The following NCR3 variants were observed in gnomAD, a reference collection of about 807,000 sequenced individuals.
NCR3 encodes NK-p30.
A neutral mutation model predicts 16.1 loss-of-function variants in NCR3; 13 were observed. That is an observed-to-expected ratio of 0.81 (90% CI 0.53 to 1.28). NCR3 has a LOEUF of 1.28. NCR3 is among the 50% of genes most tolerant of loss of function. NCR3 has a pLI of 0.00. For synonymous variants in NCR3, 98 were observed against 106.6 expected (o/e 0.92, Z 0.50); for missense variants, 202 against 256.8 (o/e 0.79, Z 1.46).
At chr6:31,592,550 C>A in intron 1 of NCR3, 129 bp downstream of exon 1, 3 of 941,290 alleles carry the variant, frequency 3.2e-6, no homozygotes, top group African/African-American at 3.2e-5. Context: ...TTGGAGCAGT[C>A]CCACTCCTCC....
Position 31,588,996 on chromosome 6 carries a change from G to C in NCR3, c.*71C>G. 7 of 1,458,450 alleles carry C rather than the reference G, an allele frequency of 4.8e-6. No individual in the cohort carries two copies. Among genetic ancestry groups the C allele is most frequent in the Non-Finnish European group, 6.4e-6 (7 of 1,095,258 alleles). 90.3% of individuals were successfully genotyped at this position (1,458,450 alleles called of 1,614,324 possible). On this transcript the variant is annotated 3_prime_UTR_variant, in exon 4 of 4. Coordinates refer to ENST00000340027, the MANE Select transcript of NCR3 (RefSeq NM_147130.3). ...AACAGCCAGAAGAGGGTATGTGTGGGCCTGGCAGGAAAGGGCAGTTGCCAA... is the reference window on the plus strand; with the variant it reads ...AACAGCCAGAAGAGGGTATGTGTGGCCCTGGCAGGAAAGGGCAGTTGCCAA...
Position 31,589,919 on chromosome 6 carries a change from C to T in NCR3, c.251G>A (p.Arg84His), listed in dbSNP as rs149339643. 1.8e-3 allele frequency: 2,956 copies of T among 1,613,130 alleles called. 6 individuals carry two copies. Among genetic ancestry groups the T allele is most frequent in the Non-Finnish European group, 2.2e-3 (2,604 of 1,180,030 alleles). ...CTCAGCCTGGTGGTCATGGAGGAAA[C>T]GGGAAGAAGCAAGTGGGGCCAGGCG... ...RGRLAPLASS[R>H]FLHDHQAELH... is the part of the protein sequence containing the mutation. Residue 84 changes from arginine to histidine, a missense_variant, in exon 2 of 4, where the codon CGT (arginine) becomes CAT (histidine). Transcript: ENST00000340027. The surrounding 1 kb of genome is among the most constrained non-coding windows in gnomAD (Gnocchi z 4.8).
chr6:31,592,984 G>T lies in NCR3; in HGVS notation c.-263C>A. The T allele has an allele frequency of 1.7e-6, 1 of 576,944 alleles. No individual in the cohort carries two copies. The allele number at this position is 576,944 out of a possible 1,614,324, so 35.7% of individuals were successfully genotyped here. A position where few individuals can be genotyped will look rare whatever the true frequency, so the allele number is the denominator to read the frequency against. On this transcript the variant is annotated 5_prime_UTR_variant, in exon 1 of 4. Transcript: ENST00000340027. Reference sequence around the variant, plus strand: ...CTAGGAGGCCAAGGGGCCAGCTTGTGGCAGGCTAGCTAAGCGTGTGAGGGG... The same window carrying T: ...CTAGGAGGCCAAGGGGCCAGCTTGTTGCAGGCTAGCTAAGCGTGTGAGGGG...
chr6:31,590,034 C>G lies in NCR3; in HGVS notation c.136G>C (p.Gly46Arg). The change falls in exon 2 of 4, where the codon GGG becomes CGG. Residue 46 changes from glycine to arginine, a missense_variant. By Grantham distance (125) the Gly-to-Arg change is moderately radical (BLOSUM62 -2). Coordinates refer to ENST00000340027, the MANE Select transcript of NCR3 (RefSeq NM_147130.3). The part of the protein sequence containing the change: ...FLPCSFNASQ[G>R]RLAIGSVTWF... ...GTGACGGAGCCAATGGCCAGTCTCC[C>G]TTGGCTGGCATTGAAGGAGCAGGGC... 1 of 1,613,056 alleles carries G rather than the reference C, an allele frequency of 6.2e-7. No individual in the cohort carries two copies.
In NCR3 at chr6:31,589,030, C is replaced by T; in HGVS notation, c.*37G>A. On this transcript the variant is annotated 3_prime_UTR_variant, in exon 4 of 4. Transcript: ENST00000340027. The surrounding 1 kb of genome is among the most constrained non-coding windows in gnomAD (Gnocchi z 4.8). ...GAAAGGGCAGTTGCCAAGGAGGAGTCATATCTGATCCTTCCCATTTCTCAG... is the reference window on the plus strand; with the variant it reads ...GAAAGGGCAGTTGCCAAGGAGGAGTTATATCTGATCCTTCCCATTTCTCAG... 6.5e-7 allele frequency: 1 copy of T among 1,531,272 alleles called. No individual in the cohort carries two copies. Among genetic ancestry groups the T allele is most frequent in the South Asian group, 1.3e-5 (1 of 76,502 alleles). The allele number at this position is 1,531,272 out of a possible 1,614,324, so 94.9% of individuals were successfully genotyped here. A position where few individuals can be genotyped will look rare whatever the true frequency, so the allele number is the denominator to read the frequency against.
intron 1 of NCR3, among the ~76,000 whole-genome samples, chr6:31,591,395 G>A (rs1265355299): frequency 4.1e-5 from 4 of 96,484 alleles, no homozygotes; most frequent in South Asian, 2.9e-4. Flanking sequence ...CCTACCCCCC[G>A]AGTTTTTGAC....
chr6:31,589,541 A>C lies in NCR3; in HGVS notation c.481T>G (p.Tyr161Asp). 6.2e-7 allele frequency: 1 copy of C among 1,614,044 alleles called. No individual in the cohort carries two copies. Among genetic ancestry groups the C allele is most frequent in the Non-Finnish European group, 8.5e-7 (1 of 1,180,014 alleles). ...CATTACTCACATTTGCCCTGGTAAT[A>C]GACGGTGCTGCCCACGGCCACAGAG... ...FLSVAVGSTV[Y>D]YQGKCLTWKG... The change falls in exon 3 of 4, where the codon TAT (tyrosine) becomes GAT (aspartate). Residue 161 changes from tyrosine (Y) to aspartate (D), a missense_variant. By Grantham distance (160) the Tyr-to-Asp change is radical. Transcript: ENST00000340027. The surrounding 1 kb of genome is among the most constrained non-coding windows in gnomAD (Gnocchi z 4.8).
At chr6:31,591,384 GCCTACCCCCCGAGTTTTTGA>G (rs144702455) in intron 1 of NCR3, among the ~76,000 whole-genome samples, 31,547 of 152,166 alleles carry the variant, frequency 0.21, 3,732 homozygotes, top group East Asian at 0.43. Context: ...AGATTCCTGG[GCCTACCCCCCGAGTTTTTGA>G]CTCAGTAGGT....
At chr6:31,592,605 G>A (rs1192249425) in intron 1 of NCR3, 74 bp downstream of exon 1, 2 of 1,549,988 alleles carry the variant, frequency 1.3e-6, no homozygotes, top group Non-Finnish European at 8.9e-7. Context: ...GTTCCCTATA[G>A]CATCTAGTCC....
chr6:31,592,679 C>T lies in NCR3; in HGVS notation c.43G>A (p.Gly15Arg). 1 of 1,612,988 alleles carries T rather than the reference C, an allele frequency of 6.2e-7. No individual in the cohort carries two copies. Among genetic ancestry groups the T allele is most frequent in the Non-Finnish European group, 8.5e-7 (1 of 1,180,038 alleles). Reference sequence around the variant, plus strand: ...GGGTCCTGAGCGCACGCCCTGTCACCTGGATGGACCATGATCAAGATGAGC... The same window carrying T: ...GGGTCCTGAGCGCACGCCCTGTCACTTGGATGGACCATGATCAAGATGAGC... Reference protein sequence around the residue: ...LLLILIMVHPGSCALWVSQPP... With the variant: ...LLLILIMVHPRSCALWVSQPP... The change falls in exon 1 of 4, where the codon GGA becomes AGA. Residue 15 changes from glycine (G) to arginine (R), a missense_variant and splice_region_variant. Coordinates refer to ENST00000340027, the MANE Select transcript of NCR3 (RefSeq NM_147130.3).
Position 31,589,722 on chromosome 6 carries a change from C to A in NCR3, c.388+60G>T. On this transcript the variant is annotated intron_variant, in intron 2 of 3. Coordinates refer to ENST00000340027, the MANE Select transcript of NCR3 (RefSeq NM_147130.3). This position sits in a 1 kb window ranked among gnomAD's most constrained non-coding sequence, Gnocchi z 4.8. ...GCCTCAGAGGAGCATCCCTGCCTCC[C>A]AAGGACATTGCCTCTTGGGGCCTCC... 6.2e-7 allele frequency: 1 copy of A among 1,605,130 alleles called. No homozygotes were observed. Among genetic ancestry groups the A allele is most frequent in the Non-Finnish European group, 8.5e-7 (1 of 1,174,902 alleles).
chr6:31,592,671 C>T lies in NCR3; in HGVS notation c.43+8G>A, dbSNP rs764534581. 1.9e-6 allele frequency: 3 copies of T among 1,612,932 alleles called. No individual in the cohort carries two copies. The highest frequency in any genetic ancestry group is 2.5e-6 in the Non-Finnish European group (3 of 1,180,016). On this transcript the variant is annotated splice_region_variant and intron_variant, in intron 1 of 3. Coordinates refer to ENST00000340027, the MANE Select transcript of NCR3 (RefSeq NM_147130.3). ...ACTCCTTGGGGTCCTGAGCGCACGC[C>T]CTGTCACCTGGATGGACCATGATCA...
At position 31,589,103 on chromosome 6, in the gene NCR3, G is replaced by A; in HGVS notation, c.570C>T (p.Ser190=). 1 of 1,608,930 alleles carries A rather than the reference G, an allele frequency of 6.2e-7. No homozygotes were observed. Among genetic ancestry groups the A allele is most frequent in the Non-Finnish European group, 8.5e-7 (1 of 1,177,100 alleles). Residue 190 remains serine (S), a synonymous_variant, in exon 4 of 4, where the codon AGC becomes AGT. Transcript: ENST00000340027. This position sits in a 1 kb window ranked among gnomAD's most constrained non-coding sequence, Gnocchi z 4.8. Reference sequence around the variant, plus strand: ...GGACTGGGGGAAGCAGATGTGCTGAGCTCCCACATGGTGGTGGGAGGGGCG... The same window carrying A: ...GGACTGGGGGAAGCAGATGTGCTGAACTCCCACATGGTGGTGGGAGGGGCG... ...VPAPLPPPCG[S]SAHLLPPVPG...
At chr6:31,590,642 T>C (rs1446508068) in intron 1 of NCR3, among the ~76,000 whole-genome samples, 1 of 152,088 alleles carries the variant, frequency 6.6e-6, no homozygotes, top group Non-Finnish European at 1.5e-5. Flanking sequence ...ATTCTTCCTA[T>C]ACCAACTCTC....
chr6:31,592,857 A>C lies in NCR3; in HGVS notation c.-136T>G, dbSNP rs576182408. ...GCTTCCTATGACACACGGGACTCAC[A>C]CATCACTTGCCAAGGACCACAACTG... On this transcript the variant is annotated 5_prime_UTR_variant, in exon 1 of 4. Coordinates refer to ENST00000340027, the MANE Select transcript of NCR3 (RefSeq NM_147130.3). 118 of 859,132 alleles carry C rather than the reference A, an allele frequency of 1.4e-4. 1 individual carries two copies. The highest frequency in any genetic ancestry group is 9.0e-4 in the South Asian group (63 of 69,732). The allele number at this position is 859,132 out of a possible 1,614,324, so 53.2% of individuals were successfully genotyped here. A position where few individuals can be genotyped will look rare whatever the true frequency, so the allele number is the denominator to read the frequency against.
rs1772723473 is a variant in NCR3, at chr6:31,592,694, T to C, written c.28A>G (p.Ile10Val). The change falls in exon 1 of 4, where the codon ATC becomes GTC. Residue 10 changes from isoleucine (I) to valine (V), a missense_variant. By Grantham distance (29) the Ile-to-Val change is conservative. Coordinates refer to ENST00000340027, the MANE Select transcript of NCR3 (RefSeq NM_147130.3). MAWMLLLILIMVHPGSCALW... is the reference protein window; with the variant it reads MAWMLLLILVMVHPGSCALW... ...GCCCTGTCACCTGGATGGACCATGA[T>C]CAAGATGAGCAACAGCATCCAGGCC... 5 of 1,612,804 alleles carry C rather than the reference T, an allele frequency of 3.1e-6. No homozygotes were observed. Among genetic ancestry groups the C allele is most frequent in the Non-Finnish European group, 4.2e-6 (5 of 1,180,034 alleles).
At chr6:31,591,716 T>G (rs1562508284) in intron 1 of NCR3, among the ~76,000 whole-genome samples, 3 of 152,202 alleles carry the variant, frequency 2.0e-5, no homozygotes, top group East Asian at 3.9e-4. Flanking sequence ...CTTGGGAGGC[T>G]GAGACAGGAG....
At position 31,589,557 on chromosome 6, in the gene NCR3, G is replaced by A. The variant is rs759828072; in HGVS notation, c.465C>T (p.Ala155=). Residue 155 remains alanine (A), a synonymous_variant, in exon 3 of 4, where the codon GCC becomes GCT. Coordinates refer to ENST00000340027, the MANE Select transcript of NCR3 (RefSeq NM_147130.3). The surrounding 1 kb of genome is among the most constrained non-coding windows in gnomAD (Gnocchi z 4.8). ...CCTGGTAATAGACGGTGCTGCCCACGGCCACAGAGAGAAAGCTGACAGCAT... is the reference window on the plus strand; with the variant it reads ...CCTGGTAATAGACGGTGCTGCCCACAGCCACAGAGAGAAAGCTGACAGCAT... ...GFYAVSFLSV[A]VGSTVYYQGK... 11 of 1,613,918 alleles carry A rather than the reference G, an allele frequency of 6.8e-6. No homozygotes were observed. The highest frequency in any genetic ancestry group is 1.6e-4 in the Middle Eastern group (1 of 6,084).
intron 1 of NCR3, among the ~76,000 whole-genome samples, 197 bp downstream of exon 1, chr6:31,592,482 C>A (rs571757317): frequency 2.6e-5 from 4 of 151,858 alleles, no homozygotes; most frequent in Non-Finnish European, 4.4e-5. Context: ...AACTAAAAAG[C>A]CTCACAGTGG....
Sources: gnomAD v4.1 joint callset for allele counts (sites outside exome capture counted in the v4.1 genomes callset) on GRCh38, gnomAD v4.1.1 for gene constraint, Gnocchi (gnomAD v3.1) non-coding constraint, MANE v1.5 for transcripts, NCBI Gene and HGNC (gene_info 2026-07-23, HGNC 2026-07-21) for gene names.